Variants in NCS1 observed in about 807,000 individuals in gnomAD.
The protein encoded by NCS1 is frequenin homolog.
Under a neutral mutation model 28.4 loss-of-function variants are expected in NCS1, and 6 were observed. The observed-to-expected ratio is 0.21, with a 90% CI of 0.12 to 0.42. The LOEUF (loss-of-function observed/expected upper bound fraction) is 0.42, where lower values mean the gene tolerates loss of function less well. NCS1 is among the 10% of genes least tolerant of loss of function. The probability of loss-of-function intolerance (pLI) is 1.00; values close to 1 mark genes in which losing one functional copy is unlikely to be tolerated. For synonymous variants in NCS1, 86 were observed against 99.3 expected, an observed-to-expected ratio of 0.87 and a Z score of 0.79; for missense variants, 131 against 241.4, an observed-to-expected ratio of 0.54 and a Z score of 3.03.
chr9:130,172,803 C>T, intron 1 of NCS1, 76 bp downstream of exon 1: 2 of 792,728 alleles, frequency 2.5e-6, no homozygotes, highest in Non-Finnish European at 3.5e-6. Flanking sequence ...CCCCCCGGAC[C>T]CGCGCGCTAC....
Position 130,236,423 on chromosome 9 carries a change from G to A in NCS1, c.*3451G>A, listed in dbSNP as rs1158844427. ...AGCGGGGAGGCGAGGAGGGGGCTGT[G>A]AGTCCTCAGAGGCCCTGGGCCACCA... On this transcript the variant is annotated 3_prime_UTR_variant, in exon 8 of 8. Coordinates refer to ENST00000372398, the MANE Select transcript of NCS1 (RefSeq NM_014286.4). 1.3e-5 allele frequency: 2 copies of A among 152,190 alleles called. No individual in the cohort carries two copies. The highest frequency in any genetic ancestry group is 6.5e-5 in the Admixed American group (1 of 15,286). 9.4% of individuals were successfully genotyped at this position (152,190 alleles called of 1,614,324 possible). A position where few individuals can be genotyped will look rare whatever the true frequency, so the allele number is the denominator to read the frequency against.
At chr9:130,222,505 TC>T (rs1427309683) in intron 4 of NCS1, 144 bp from the exon 5 acceptor site, 1 of 707,144 alleles carries the variant, frequency 1.4e-6, no homozygotes, top group Non-Finnish European at 2.6e-6. Flanking sequence ...TCCCTGTCTA[TC>T]CTGATGTAAA....
intron 3 of NCS1, among the ~76,000 whole-genome samples, 168 bp downstream of exon 3, chr9:130,218,138 A>G (rs1554909653): frequency 6.6e-6 from 1 of 152,242 alleles, no homozygotes; most frequent in East Asian, 1.9e-4. Context: ...ATGCATGCAC[A>G]TGTACACATG....
intron 1 of NCS1, among the ~76,000 whole-genome samples, chr9:130,198,832 T>C (rs1219326382): frequency 2.0e-5 from 3 of 152,294 alleles, no homozygotes; most frequent in Middle Eastern, 3.4e-3. Context: ...CTGGCGGTAC[T>C]GTGATGGGTC....
At chr9:130,214,318 T>C (rs1422552539) in intron 2 of NCS1, among the ~76,000 whole-genome samples, 2 of 152,050 alleles carry the variant, frequency 1.3e-5, no homozygotes, top group Non-Finnish European at 2.9e-5. Flanking sequence ...AAGAAAGCGA[T>C]ATTCTCACGC....
At chr9:130,221,291 T>G (rs1833283018) in intron 4 of NCS1, among the ~76,000 whole-genome samples, 4 of 149,196 alleles carry the variant, frequency 2.7e-5, no homozygotes, top group African/African-American at 9.9e-5. Context: ...TCCAAAGTGC[T>G]GGAATTACAG....
At chr9:130,195,668 C>T (rs1564706251) in intron 1 of NCS1, among the ~76,000 whole-genome samples, 1 of 152,250 alleles carries the variant, frequency 6.6e-6, no homozygotes, top group Non-Finnish European at 1.5e-5. Context: ...GAGTAATCCG[C>T]CCACCTTGCC....
At chr9:130,178,844 CCCCT>C (rs1832613098) in intron 1 of NCS1, among the ~76,000 whole-genome samples, 2 of 5,948 alleles carry the variant, frequency 3.4e-4, no homozygotes, top group African/African-American at 9.1e-4. Context: ...TCCCTCCCCT[CCCCT>C]CCCCTCCCCT....
chr9:130,221,352 A>G (rs944920181), intron 4 of NCS1, among the ~76,000 whole-genome samples: 2 of 136,988 alleles, frequency 1.5e-5, no homozygotes, highest in African/African-American at 2.9e-5. Flanking sequence ...ATATATATAA[A>G]ATATTTAATA....
intron 7 of NCS1, among the ~76,000 whole-genome samples, chr9:130,231,826 G>C (rs1554912157): frequency 6.6e-6 from 1 of 151,488 alleles, no homozygotes; most frequent in African/African-American, 2.4e-5. Flanking sequence ...CACCAGCAAA[G>C]GACAGAGGTT....
intron 1 of NCS1, among the ~76,000 whole-genome samples, chr9:130,184,971 CAAA>C (rs781980341): frequency 1.5e-5 from 2 of 136,188 alleles, no homozygotes; most frequent in African/African-American, 5.4e-5. Flanking sequence ...GACTCCGTCT[CAAA>C]AAAAAAAAAA....
chr9:130,213,729 A>AC (rs1833146045), intron 2 of NCS1, among the ~76,000 whole-genome samples: 1 of 151,676 alleles, frequency 6.6e-6, no homozygotes, highest in African/African-American at 2.4e-5. Context: ...GGGATTAGAG[A>AC]CATGAGGCAC....
At chr9:130,188,925 C>G (rs1189319300) in intron 1 of NCS1, among the ~76,000 whole-genome samples, 1 of 151,868 alleles carries the variant, frequency 6.6e-6, no homozygotes, top group Non-Finnish European at 1.5e-5. Context: ...CCATGTTGGC[C>G]AGGCTGGTCT....
intron 1 of NCS1, among the ~76,000 whole-genome samples, chr9:130,185,425 C>G (rs1832725563): frequency 6.6e-6 from 1 of 152,196 alleles, no homozygotes; most frequent in East Asian, 1.9e-4. Flanking sequence ...CTCCTACCTC[C>G]TGGGCTGGGG....
intron 7 of NCS1, among the ~76,000 whole-genome samples, chr9:130,229,981 G>T (rs536240330): frequency 2.0e-5 from 3 of 152,162 alleles, no homozygotes; most frequent in Non-Finnish European, 4.4e-5. Context: ...TCCATCACAT[G>T]GCTGGGCCAT....
rs1169920136 is a variant in NCS1 at position 130,215,955 on chromosome 9, C to T, written c.90-1877C>T. ...TGCCCTCCCCCATCCTCCTCCTCCC[C>T]TCAACCGCCCTCACTCCGGCAGCAG... On this transcript the variant is annotated intron_variant, in intron 2 of 7. Transcript: ENST00000372398. The surrounding 1 kb of genome is among the most constrained non-coding windows in gnomAD (Gnocchi z 4.2). Among the ~76,000 whole-genome samples the T allele has an allele frequency of 6.6e-6, 1 of 152,152 alleles. No homozygotes were observed. The highest frequency in any genetic ancestry group is 2.4e-5 in the African/African-American group (1 of 41,432).
At position 130,176,166 on chromosome 9, in the gene NCS1, C is replaced by T. The variant is rs868909725; in HGVS notation, c.64+3439C>T. 5.7e-3 allele frequency among the ~76,000 whole-genome samples: 442 copies of T among 77,520 alleles called. 4 individuals are homozygous for T. The highest frequency in any genetic ancestry group is 0.019 in the African/African-American group (210 of 10,914). 50.9% of individuals were successfully genotyped at this position (77,520 alleles called of 152,430 possible). ...TCTTTCTTTCTTTCTTTCTTTCTTT[C>T]TTTCTTTCTTTCTTTCTTTCTTTCT... On this transcript the variant is annotated intron_variant, in intron 1 of 7. Coordinates refer to ENST00000372398, the MANE Select transcript of NCS1 (RefSeq NM_014286.4).
chr9:130,174,686 C>T (rs1832536254), intron 1 of NCS1, among the ~76,000 whole-genome samples: 1 of 151,568 alleles, frequency 6.6e-6, no homozygotes, highest in African/African-American at 2.4e-5. Context: ...TGGCACATGC[C>T]TGTAATCCCA....
At chr9:130,182,882 CAG>C (rs1481182827) in intron 1 of NCS1, among the ~76,000 whole-genome samples, 3 of 152,312 alleles carry the variant, frequency 2.0e-5, no homozygotes, top group African/African-American at 7.2e-5. Flanking sequence ...ATCTGTCCGA[CAG>C]AGAAAGAGAC....
Sources: gnomAD v4.1 joint callset for allele counts (sites outside exome capture counted in the v4.1 genomes callset) on GRCh38, gnomAD v4.1.1 for gene constraint, Gnocchi (gnomAD v3.1) non-coding constraint, MANE v1.5 for transcripts, NCBI Gene and HGNC (gene_info 2026-07-23, HGNC 2026-07-21) for gene names.